ABCA8: variants seen among roughly 807,000 people sequenced by gnomAD.
ABCA8 encodes ABC-type organic anion transporter ABCA8.
A neutral mutation model predicts 192.3 loss-of-function variants in ABCA8; 177 were observed. The ratio of observed to expected loss-of-function variants is 0.92; its 90% CI spans 0.81 to 1.04. ABCA8 has a LOEUF of 1.04. ABCA8 is among the 50% of genes least tolerant of loss of function. The pLI is 0.00. For synonymous variants in ABCA8, 642 were observed against 690.2 expected, an observed-to-expected ratio of 0.93 and a Z score of 1.09; for missense variants, 1,915 against 1,904.8, an observed-to-expected ratio of 1.01 and a Z score of -0.10.
At position 68,911,577 on chromosome 17, in the gene ABCA8, G is replaced by T. The variant is rs2143556117; in HGVS notation, c.2139-3698C>A. 6.6e-6 allele frequency among the ~76,000 whole-genome samples: 1 copy of T among 152,304 alleles called. No individual in the cohort carries two copies. Among genetic ancestry groups the T allele is most frequent in the African/African-American group, 2.4e-5 (1 of 41,572 alleles). On this transcript the variant is annotated intron_variant, in intron 17 of 39. Transcript: ENST00000586539. This position sits in a 1 kb window ranked among gnomAD's most constrained non-coding sequence, Gnocchi z 5.7. ...CACCTGCTGCCTGAAGAGCCCTTGGGCTTAGAGTGAACATTGGCGGTAGCC... is the reference window on the plus strand; with the variant it reads ...CACCTGCTGCCTGAAGAGCCCTTGGTCTTAGAGTGAACATTGGCGGTAGCC...
In ABCA8 at chr17:68,887,499, G is replaced by A. The variant is rs2066496054; in HGVS notation, c.3152C>T (p.Ala1051Val). 1 of 1,606,998 alleles carries A rather than the reference G, an allele frequency of 6.2e-7. No homozygotes were observed. Among genetic ancestry groups the A allele is most frequent in the Admixed American group, 1.7e-5 (1 of 58,416 alleles). ...MSSIDDYKNR[A>V]RSQLRISGLS... The stretch of plus-strand genomic sequence containing the variant: ...TCCGGAAATCCGTAGCTGGGACCGA[G>A]CTCTGTTCTAATTAGGAGACAGCAA... The change falls in exon 25 of 40, where the codon GCT becomes GTT. Residue 1051 changes from alanine to valine, a missense_variant. Ala to Val is a moderately conservative substitution (Grantham distance 64). Transcript: ENST00000586539.
At chr17:68,944,101 C>G (rs2068307763) in intron 2 of ABCA8, among the ~76,000 whole-genome samples, 1 of 150,942 alleles carries the variant, frequency 6.6e-6, no homozygotes, top group African/African-American at 2.4e-5. Flanking sequence ...GGGAGTTGAA[C>G]AAGGAGAACA....
chr17:68,937,262 G>T, intron 4 of ABCA8, 147 bp from the exon 5 acceptor site: 1 of 647,240 alleles, frequency 1.5e-6, no homozygotes, highest in Non-Finnish European at 2.4e-6. Flanking sequence ...CTAAAATGTT[G>T]GGTGGGAGAG....
At chr17:68,894,438 G>T in intron 22 of ABCA8, 128 bp from the exon 23 acceptor site, 1 of 780,838 alleles carries the variant, frequency 1.3e-6, no homozygotes, top group Non-Finnish European at 2.0e-6. Context: ...ACAATAAAAA[G>T]CCAAACACTG....
intron 2 of ABCA8, among the ~76,000 whole-genome samples, chr17:68,945,095 GGGGT>G (rs2068361516): frequency 6.6e-6 from 1 of 152,094 alleles, no homozygotes; most frequent in Non-Finnish European, 1.5e-5. Flanking sequence ...GATAATGGAG[GGGGT>G]CTCCTTTACT....
chr17:68,875,557 C>A, intron 36 of ABCA8, 57 bp downstream of exon 36: 3 of 1,601,204 alleles, frequency 1.9e-6, no homozygotes, highest in Non-Finnish European at 1.7e-6. Flanking sequence ...CTGCCACAGA[C>A]AAAAATTTCC....
intron 11 of ABCA8, among the ~76,000 whole-genome samples, chr17:68,923,726 C>T (rs2067611260): frequency 6.6e-6 from 1 of 152,110 alleles, no homozygotes; most frequent in Non-Finnish European, 1.5e-5. Flanking sequence ...GTTAAAAGAA[C>T]AAAATGAAAT....
In ABCA8 at chr17:68,899,505, C is replaced by T. The variant is rs2066853115; in HGVS notation, c.2764+3208G>A. Among the ~76,000 whole-genome samples, 4 of 152,088 alleles carry T rather than the reference C, an allele frequency of 2.6e-5. No homozygotes were observed. In the South Asian group the frequency reaches 8.3e-4, roughly 32 times the overall value. ...GAAAACAAAAAATGTTACTAGAAAG[C>T]ATAAGAGACATTTTCTAATGATACA... On this transcript the variant is annotated intron_variant, in intron 21 of 39. Coordinates refer to ENST00000586539, the MANE Select transcript of ABCA8 (RefSeq NM_001288985.2).
chr17:68,907,026 A>G (rs567295234), intron 18 of ABCA8, among the ~76,000 whole-genome samples: 5 of 152,124 alleles, frequency 3.3e-5, no homozygotes, highest in Non-Finnish European at 7.4e-5. Flanking sequence ...CTCATACAGA[A>G]AGGTAGAAAA....
intron 17 of ABCA8, among the ~76,000 whole-genome samples, chr17:68,912,967 T>C (rs1335774144): frequency 1.3e-5 from 2 of 152,170 alleles, no homozygotes; most frequent in African/African-American, 4.8e-5. Flanking sequence ...CCTCAGCACA[T>C]GGATCATTCT....
At position 68,894,903 on chromosome 17, in the gene ABCA8, T is replaced by C. The variant is rs768691456; in HGVS notation, c.2875A>G (p.Ile959Val). The C allele has an allele frequency of 6.2e-7, 1 of 1,613,584 alleles. No individual in the cohort carries two copies. The highest frequency in any genetic ancestry group is 8.5e-7 in the Non-Finnish European group (1 of 1,179,746). Reference protein sequence around the residue: ...GTDDPSYNGAITVCCNEKNYS... With the variant: ...GTDDPSYNGAVTVCCNEKNYS... ...ACCTTTTCATTACAACACACTGTGA[T>C]GGCTCCATTATAAGATGGGTCATCT... Residue 959 changes from isoleucine (I) to valine (V), a missense_variant, in exon 22 of 40, where the codon ATC becomes GTC. By Grantham distance (29) the Ile-to-Val change is conservative (BLOSUM62 3). Transcript: ENST00000586539.
chr17:68,878,478 T>A (rs183690558), intron 32 of ABCA8: 1 of 152,272 alleles, frequency 6.6e-6, no homozygotes, highest in Admixed American at 6.5e-5. Context: ...GGATGTGTCC[T>A]TCCAGCCATA....
intron 25 of ABCA8, 90 bp downstream of exon 25, chr17:68,887,246 A>G (rs2066485904): frequency 1.5e-6 from 2 of 1,356,156 alleles, no homozygotes; most frequent in Admixed American, 4.4e-5. Flanking sequence ...TTATGACCAT[A>G]TAAATATTGA....
chr17:68,897,558 T>C (rs2066798315), intron 21 of ABCA8, among the ~76,000 whole-genome samples: 1 of 152,140 alleles, frequency 6.6e-6, no homozygotes, highest in African/African-American at 2.4e-5. Flanking sequence ...AAGGCAGGTA[T>C]TGTAAGTATG....
chr17:68,895,004 A>G lies in ABCA8; in HGVS notation c.2774T>C (p.Ile925Thr), dbSNP rs770864405. The change falls in exon 22 of 40, where the codon ATT (isoleucine) becomes ACT (threonine). Residue 925 changes from isoleucine (I) to threonine (T), a missense_variant. Ile to Thr is a moderately conservative substitution (Grantham distance 89, BLOSUM62 -1). Coordinates refer to ENST00000586539, the MANE Select transcript of ABCA8 (RefSeq NM_001288985.2). ...CTCCACAGACTGTATAAAGTCATCA[A>G]TGCTTGCCCCTAAGGTGTAGTTAAA... ...LLIINKTGAS[I>T]DDFIQSVEHQ... The G allele has an allele frequency of 1.9e-5, 31 of 1,608,168 alleles. No individual in the cohort carries two copies. The East Asian group carries it at 6.3e-4, about 32-fold the overall frequency.
intron 1 of ABCA8, among the ~76,000 whole-genome samples, chr17:68,950,330 GA>G (rs1280331479): frequency 6.6e-6 from 1 of 152,018 alleles, no homozygotes. Context: ...TTGCAGAATA[GA>G]AAAAAACTAC....
intron 5 of ABCA8, 34 bp from the exon 6 acceptor site, chr17:68,933,305 A>C (rs780575587): frequency 1.5e-6 from 2 of 1,298,598 alleles, no homozygotes; most frequent in South Asian, 2.4e-5. Flanking sequence ...CTATCATTAC[A>C]TCACTATCTA....
chr17:68,928,673 A>C (rs1177092168), intron 9 of ABCA8, among the ~76,000 whole-genome samples: 12 of 152,200 alleles, frequency 7.9e-5, no homozygotes, highest in Non-Finnish European at 1.5e-4. Context: ...AGATGTTTTA[A>C]ATTTTTAATT....
intron 2 of ABCA8, among the ~76,000 whole-genome samples, chr17:68,949,094 G>T (rs376451057): frequency 6.6e-6 from 1 of 152,036 alleles, no homozygotes; most frequent in East Asian, 1.9e-4. Context: ...CTGTTTCATT[G>T]GTCTATATAT....
Sources: allele counts gnomAD v4.1 joint callset (sites outside exome capture counted in the v4.1 genomes callset), GRCh38; gene constraint gnomAD v4.1.1; non-coding constraint Gnocchi (gnomAD v3.1); transcripts MANE v1.5; gene names NCBI Gene and HGNC (gene_info 2026-07-23, HGNC 2026-07-21).